Variants in PARM1 observed in about 807,000 individuals in gnomAD.
PARM1 encodes the protein prostate androgen-regulated mucin-like protein 1.
A neutral mutation model predicts 24.6 loss-of-function variants in PARM1; 14 were observed. The ratio of observed to expected loss-of-function variants is 0.57; its 90% confidence interval spans 0.38 to 0.89. The LOEUF is 0.89. PARM1 is among the 40% of genes least tolerant of loss of function. PARM1 has a pLI of 0.00. For synonymous variants in PARM1, 179 were observed against 156.6 expected (o/e 1.14, Z -1.07); for missense variants, 362 against 380.4 (o/e 0.95, Z 0.40).
chr4:74,943,695 T>C (rs2109981645), intron 1 of PARM1, among the ~76,000 whole-genome samples: 1 of 152,320 alleles, frequency 6.6e-6, no homozygotes, highest in East Asian at 1.9e-4. Flanking sequence ...ATGTCACCTT[T>C]GAGCTCAGCT....
chr4:74,938,609 G>T (rs1207794698), intron 1 of PARM1, among the ~76,000 whole-genome samples: 1 of 152,146 alleles, frequency 6.6e-6, no homozygotes, highest in South Asian at 2.1e-4. Context: ...TAGTTAATCT[G>T]CAAGCCGGGC....
intron 1 of PARM1, among the ~76,000 whole-genome samples, chr4:75,008,544 C>T (rs1238590694): frequency 2.6e-5 from 4 of 152,192 alleles, no homozygotes; most frequent in African/African-American, 4.8e-5. Context: ...CTTATTCTTT[C>T]AGGACGAATT....
intron 2 of PARM1, among the ~76,000 whole-genome samples, chr4:75,020,025 A>AG (rs1560794302): frequency 1.5e-5 from 2 of 133,032 alleles, no homozygotes; most frequent in Non-Finnish European, 1.5e-5. Flanking sequence ...AAAAAAAAAA[A>AG]AAAAAAAAAA....
intron 1 of PARM1, among the ~76,000 whole-genome samples, chr4:74,957,928 A>T (rs903120041): frequency 6.6e-5 from 10 of 152,338 alleles, no homozygotes; most frequent in Non-Finnish European, 1.3e-4. Flanking sequence ...AGTGCTGCCC[A>T]TGCCTGGTGC....
chr4:74,979,644 C>A (rs767161738), intron 1 of PARM1, among the ~76,000 whole-genome samples: 9 of 152,126 alleles, frequency 5.9e-5, no homozygotes, highest in Non-Finnish European at 8.8e-5. Flanking sequence ...CAAAACCAGG[C>A]AGAGACACAA....
At chr4:75,008,624 A>G (rs1298193435) in intron 1 of PARM1, among the ~76,000 whole-genome samples, 1 of 152,180 alleles carries the variant, frequency 6.6e-6, no homozygotes, top group Non-Finnish European at 1.5e-5. Flanking sequence ...TTTACATTCC[A>G]TGGTATCAGT....
At chr4:74,976,675 C>A (rs1182226100) in intron 1 of PARM1, among the ~76,000 whole-genome samples, 1 of 152,218 alleles carries the variant, frequency 6.6e-6, no homozygotes, top group African/African-American at 2.4e-5. Context: ...GGTTGCCAGA[C>A]ACCTTATACA....
intron 2 of PARM1, among the ~76,000 whole-genome samples, chr4:75,031,934 T>A (rs933157024): frequency 1.3e-5 from 2 of 152,200 alleles, no homozygotes; most frequent in Admixed American, 1.3e-4. Flanking sequence ...CTTTGAATTG[T>A]TCTAATTTCA....
intron 2 of PARM1, among the ~76,000 whole-genome samples, chr4:75,030,386 A>C (rs1035061508): frequency 2.0e-5 from 3 of 152,168 alleles, no homozygotes; most frequent in African/African-American, 7.2e-5. Context: ...ATAGCTGTAC[A>C]GTTTTGTGCA....
At chr4:74,946,283 GTTGCTAAATTCTC>G (rs1051026314) in intron 1 of PARM1, among the ~76,000 whole-genome samples, 1 of 152,130 alleles carries the variant, frequency 6.6e-6, no homozygotes, top group Non-Finnish European at 1.5e-5. Flanking sequence ...TACCAAATCA[GTTGCTAAATTCTC>G]TTGCATAAAT....
intron 2 of PARM1, among the ~76,000 whole-genome samples, chr4:75,019,724 C>T (rs920337970): frequency 6.6e-6 from 1 of 151,994 alleles, no homozygotes; most frequent in Non-Finnish European, 1.5e-5. Context: ...AAAATTTCGC[C>T]CGGGCGCGGT....
intron 1 of PARM1, among the ~76,000 whole-genome samples, chr4:74,972,526 T>C (rs925655711): frequency 6.6e-6 from 1 of 152,190 alleles, no homozygotes; most frequent in African/African-American, 2.4e-5. Flanking sequence ...TGGATCTGAA[T>C]GTTCTCAAAA....
intron 1 of PARM1, among the ~76,000 whole-genome samples, chr4:74,940,048 T>G (rs1326670052): frequency 6.6e-6 from 1 of 152,196 alleles, no homozygotes; most frequent in Non-Finnish European, 1.5e-5. Flanking sequence ...CTGTGTGTTT[T>G]TTTTGTTTTG....
intron 1 of PARM1, among the ~76,000 whole-genome samples, chr4:74,999,723 A>T (rs1024452757): frequency 9.9e-5 from 15 of 152,194 alleles, no homozygotes; most frequent in African/African-American, 3.6e-4. Flanking sequence ...TGCCATTCTA[A>T]TGAATATGTG....
At chr4:75,020,497 C>T (rs543229521) in intron 2 of PARM1, among the ~76,000 whole-genome samples, 2 of 151,992 alleles carry the variant, frequency 1.3e-5, no homozygotes, top group African/African-American at 2.4e-5. Context: ...TCATTTCCCC[C>T]CCCCCGCACC....
rs954068752 is a variant in PARM1 at position 74,934,864 on chromosome 4, G to A, written c.43+1494G>A. Among the ~76,000 whole-genome samples, 5 of 152,296 alleles carry A rather than the reference G, an allele frequency of 3.3e-5. No individual in the cohort carries two copies. The East Asian group carries it at 7.7e-4, about 23-fold the overall frequency. On this transcript the variant is annotated intron_variant, in intron 1 of 3. Transcript: ENST00000307428. ...AGTAGAGAGGTTCGTTTGCAAATTTGATTTAGTGGCTTGTCTTGTTTATTT... is the reference window on the plus strand; with the variant it reads ...AGTAGAGAGGTTCGTTTGCAAATTTAATTTAGTGGCTTGTCTTGTTTATTT...
At chr4:74,967,787 A>G (rs1366856715) in intron 1 of PARM1, 1 of 152,206 alleles carries the variant, frequency 6.6e-6, no homozygotes, top group East Asian at 1.9e-4. Flanking sequence ...ATCTTTTAAT[A>G]TAGGGAGAAA....
At chr4:75,028,298 G>C (rs1280813368) in intron 2 of PARM1, among the ~76,000 whole-genome samples, 3 of 152,198 alleles carry the variant, frequency 2.0e-5, no homozygotes, top group African/African-American at 7.2e-5. Flanking sequence ...GGCACACACA[G>C]AGTTCTAACT....
intron 1 of PARM1, among the ~76,000 whole-genome samples, chr4:74,992,559 A>C (rs1196008131): frequency 6.6e-6 from 1 of 152,160 alleles, no homozygotes; most frequent in Non-Finnish European, 1.5e-5. Flanking sequence ...GAAATTTTTT[A>C]AGGCCAATGG....
Sources: allele counts gnomAD v4.1 joint callset (sites outside exome capture counted in the v4.1 genomes callset), GRCh38; gene constraint gnomAD v4.1.1; transcripts MANE v1.5; gene names NCBI Gene and HGNC (gene_info 2026-07-23, HGNC 2026-07-21).